The following KCTD21 variants were observed in gnomAD, a reference collection of about 807,000 sequenced individuals.
KCTD21 encodes BTB/POZ domain-containing protein KCTD21.
In KCTD21, 9 loss-of-function variants were observed where a neutral mutation model predicts 13.2. The observed-to-expected ratio is 0.68, with a 90% CI of 0.41 to 1.19. The LOEUF (loss-of-function observed/expected upper bound fraction) is 1.19, where lower values mean the gene tolerates loss of function less well. Ranked by LOEUF, KCTD21 falls within the 50% of genes most tolerant of loss-of-function variation. KCTD21 has a pLI of 0.01. For missense variants in KCTD21, 303 were observed against 336.5 expected, an observed-to-expected ratio of 0.90 and a Z score of 0.78; for synonymous variants, 142 against 137.4, an observed-to-expected ratio of 1.03 and a Z score of -0.23.
At chr11:78,174,797 A>C (rs1021822259) in intron 1 of KCTD21, 2 of 434,652 alleles carry the variant, frequency 4.6e-6, no homozygotes, top group Non-Finnish European at 8.2e-6. Flanking sequence ...AAAAGGAAAC[A>C]GGGAAAGAAA....
chr11:78,182,402 C>G (rs1180874892), intron 1 of KCTD21, among the ~76,000 whole-genome samples: 2 of 151,254 alleles, frequency 1.3e-5, no homozygotes, highest in Admixed American at 1.3e-4. Context: ...AATCTGGAAG[C>G]ACTGATGACT....
At chr11:78,175,677 C>T (rs1431949928) in intron 1 of KCTD21, among the ~76,000 whole-genome samples, 1 of 152,124 alleles carries the variant, frequency 6.6e-6, no homozygotes, top group Non-Finnish European at 1.5e-5. Flanking sequence ...CTTCAAGGCC[C>T]ACAGTGGGTC....
chr11:78,184,170 C>T (rs1565387202), intron 1 of KCTD21, among the ~76,000 whole-genome samples: 1 of 152,148 alleles, frequency 6.6e-6, no homozygotes, highest in Non-Finnish European at 1.5e-5. Flanking sequence ...ATCAGGTTGC[C>T]ATGACCTTAA....
At chr11:78,175,979 C>T (rs188122791) in intron 1 of KCTD21, among the ~76,000 whole-genome samples, 7 of 151,948 alleles carry the variant, frequency 4.6e-5, no homozygotes, top group Non-Finnish European at 2.9e-5. Flanking sequence ...TGAGAACATG[C>T]GGTGTTTGGT....
At chr11:78,180,890 T>C (rs901719257) in intron 1 of KCTD21, among the ~76,000 whole-genome samples, 3 of 100,978 alleles carry the variant, frequency 3.0e-5, no homozygotes, top group Admixed American at 1.1e-4. Context: ...CCTCATGCTG[T>C]TCTTGTGATA....
chr11:78,187,194 A>G (rs1360884183), intron 1 of KCTD21: 2 of 984,948 alleles, frequency 2.0e-6, no homozygotes, highest in African/African-American at 3.5e-5. Flanking sequence ...TAAGTGGGAG[A>G]CTTCCCCACC....
intron 1 of KCTD21, chr11:78,187,875 AG>A: frequency 2.0e-6 from 2 of 985,386 alleles, no homozygotes; most frequent in Non-Finnish European, 2.4e-6. Flanking sequence ...CTTTGAAGTA[AG>A]GAGTCCTGAG....
chr11:78,186,370 T>TAAAAA (rs1862764624), intron 1 of KCTD21, among the ~76,000 whole-genome samples: 1 of 25,774 alleles, frequency 3.9e-5, no homozygotes, highest in African/African-American at 1.4e-4. Flanking sequence ...AGACCCTGTC[T>TAAAAA]CAAAAAAAAA....
At position 78,172,848 on chromosome 11, in the gene KCTD21, C is replaced by A. The variant is rs913575656; in HGVS notation, c.*924G>T. ...GGCCAAGGTGATCACTTGCAGGTAC[C>A]CAGGGAGAGGCGCTCATCTTCAGAT... On this transcript the variant is annotated 3_prime_UTR_variant, in exon 2 of 2. Transcript: ENST00000340067. 6.6e-6 allele frequency: 1 copy of A among 152,476 alleles called. No individual in the cohort carries two copies. The highest frequency in any genetic ancestry group is 2.4e-5 in the African/African-American group (1 of 41,402). The allele number at this position is 152,476 out of a possible 1,614,324, so 9.4% of individuals were successfully genotyped here.
intron 1 of KCTD21, among the ~76,000 whole-genome samples, chr11:78,186,112 C>A (rs548327922): frequency 2.1e-4 from 32 of 151,802 alleles, no homozygotes; most frequent in Admixed American, 4.6e-4. Flanking sequence ...CTCAGTGGCT[C>A]ATGCCTGTAA....
At position 78,173,232 on chromosome 11, in the gene KCTD21, G is replaced by A. The variant is rs1862332629; in HGVS notation, c.*540C>T. ...AGAGGGGACACTAACAGAGCTCTGA[G>A]AATGCACAGCATTCCAAGCCAGCCA... On this transcript the variant is annotated 3_prime_UTR_variant, in exon 2 of 2. Coordinates refer to ENST00000340067, the MANE Select transcript of KCTD21 (RefSeq NM_001029859.3). 6.4e-6 allele frequency: 1 copy of A among 155,468 alleles called. No individual in the cohort carries two copies. The highest frequency in any genetic ancestry group is 1.4e-5 in the Non-Finnish European group (1 of 70,172). The allele number at this position is 155,468 out of a possible 1,614,324, so 9.6% of individuals were successfully genotyped here. A position where few individuals can be genotyped will look rare whatever the true frequency, so the allele number is the denominator to read the frequency against.
chr11:78,182,492 T>C (rs1425671773), intron 1 of KCTD21, among the ~76,000 whole-genome samples: 1 of 152,216 alleles, frequency 6.6e-6, no homozygotes, highest in Non-Finnish European at 1.5e-5. Context: ...CATTTCCCTC[T>C]GTGGTTTTAA....
rs1227372249 is a variant in KCTD21, at chr11:78,174,039, G to A, written c.516C>T (p.Ser172=). The A allele has an allele frequency of 6.2e-7, 1 of 1,614,160 alleles. No individual in the cohort carries two copies. The highest frequency in any genetic ancestry group is 1.1e-5 in the South Asian group (1 of 91,082). ...KLFYCSNGNL[S]SITSHLQDPN... is the part of the protein sequence containing the mutation. ...GGTCCTGCAAGTGGCTGGTGATGGA[G>A]GAGAGATTGCCATTGGAGCAGTAGA... The change falls in exon 2 of 2, where the codon TCC becomes TCT. Residue 172 remains serine, a synonymous_variant. Transcript: ENST00000340067.
intron 1 of KCTD21, among the ~76,000 whole-genome samples, chr11:78,182,062 T>C (rs1590881075): frequency 6.6e-6 from 1 of 152,220 alleles, no homozygotes; most frequent in African/African-American, 2.4e-5. Context: ...GTCACCGCCT[T>C]GCACTCAGGG....
chr11:78,188,055 T>C, intron 1 of KCTD21: 1 of 985,454 alleles, frequency 1.0e-6, no homozygotes, highest in Non-Finnish European at 1.2e-6. Context: ...GGAGGTGTTC[T>C]ATGCATCACA....
intron 1 of KCTD21, among the ~76,000 whole-genome samples, chr11:78,175,874 C>T (rs183640367): frequency 6.6e-6 from 1 of 150,584 alleles, no homozygotes; most frequent in East Asian, 2.0e-4. Context: ...CTAATGCTAT[C>T]CCTCTCCCCT....
chr11:78,184,719 C>G (rs1468886816), intron 1 of KCTD21, among the ~76,000 whole-genome samples: 2 of 151,282 alleles, frequency 1.3e-5, no homozygotes, highest in African/African-American at 4.9e-5. Flanking sequence ...ATTTTAAAAA[C>G]CAGAAACTAT....
At chr11:78,174,700 C>A in intron 1 of KCTD21, 117 bp from the exon 2 acceptor site, 1 of 681,646 alleles carries the variant, frequency 1.5e-6, no homozygotes, top group South Asian at 2.0e-5. Flanking sequence ...GAATTAATAC[C>A]TGATGAATGG....
chr11:78,188,465 T>A (rs1421338331), intron 1 of KCTD21, 108 bp downstream of exon 1: 11 of 985,200 alleles, frequency 1.1e-5, no homozygotes, highest in Non-Finnish European at 1.3e-5. Flanking sequence ...CAGATGGGAA[T>A]GGCGAGGCTG....
Sources: gnomAD v4.1 joint callset for allele counts (sites outside exome capture counted in the v4.1 genomes callset) on GRCh38, gnomAD v4.1.1 for gene constraint, MANE v1.5 for transcripts, NCBI Gene and HGNC (gene_info 2026-07-23, HGNC 2026-07-21) for gene names.